Variants in LRRC4C observed in about 807,000 individuals in gnomAD.
LRRC4C encodes leucine rich repeat containing 4C.
In LRRC4C, 5 loss-of-function variants were observed where a neutral mutation model predicts 33.6. That is an observed-to-expected ratio of 0.15 (90% CI 0.08 to 0.31). LRRC4C has a LOEUF of 0.31. LRRC4C is among the 10% of genes least tolerant of loss of function. LRRC4C has a pLI of 1.00. For synonymous variants in LRRC4C, 329 were observed against 302.0 expected, an observed-to-expected ratio of 1.09 and a Z score of -0.93; for missense variants, 560 against 796.7, an observed-to-expected ratio of 0.70 and a Z score of 3.58.
At chr11:41,110,839 A>G (rs1012293302) in intron 1 of LRRC4C, among the ~76,000 whole-genome samples, 1 of 152,034 alleles carries the variant, frequency 6.6e-6, no homozygotes, top group Non-Finnish European at 1.5e-5. Flanking sequence ...CAGCATTTTT[A>G]AAGTATTTAT....
intron 3 of LRRC4C, among the ~76,000 whole-genome samples, chr11:40,547,337 A>T (rs1363810422): frequency 6.6e-6 from 1 of 152,078 alleles, no homozygotes; most frequent in East Asian, 1.9e-4. Context: ...ACTAGAAGTG[A>T]TCTTGAAGCC....
At chr11:41,264,071 T>C (rs1949068772) in intron 1 of LRRC4C, among the ~76,000 whole-genome samples, 1 of 148,604 alleles carries the variant, frequency 6.7e-6, no homozygotes, top group African/African-American at 2.5e-5. Flanking sequence ...AGTTTTCAGA[T>C]ACATACAAAT....
intron 1 of LRRC4C, among the ~76,000 whole-genome samples, chr11:41,255,619 G>A (rs16935484): frequency 0.045 from 6,902 of 151,968 alleles, 200 homozygotes; most frequent in South Asian, 0.074. Context: ...AGGTGAAATT[G>A]TAAAAGAGAA....
At chr11:41,031,015 G>A (rs1188686485) in intron 1 of LRRC4C, among the ~76,000 whole-genome samples, 2 of 151,860 alleles carry the variant, frequency 1.3e-5, no homozygotes, top group Admixed American at 6.6e-5. Context: ...TGAAGAAAAC[G>A]TAAGACACAT....
intron 1 of LRRC4C, among the ~76,000 whole-genome samples, chr11:40,983,219 T>C (rs1352886719): frequency 1.3e-5 from 2 of 152,174 alleles, no homozygotes; most frequent in African/African-American, 4.8e-5. Context: ...CAAATTTCTG[T>C]CCTTAGGTCT....
intron 1 of LRRC4C, among the ~76,000 whole-genome samples, chr11:41,185,592 T>G (rs1945658070): frequency 1.3e-5 from 2 of 152,148 alleles, no homozygotes; most frequent in African/African-American, 2.4e-5. Context: ...GAGGACAGTA[T>G]TTAGTGGAGA....
chr11:40,304,906 A>T (rs1944954195), intron 4 of LRRC4C, among the ~76,000 whole-genome samples: 1 of 152,144 alleles, frequency 6.6e-6, no homozygotes, highest in Non-Finnish European at 1.5e-5. Flanking sequence ...CTAGGATTAC[A>T]GGTGCGTGCC....
intron 2 of LRRC4C, among the ~76,000 whole-genome samples, chr11:40,704,486 T>A (rs1946042486): frequency 6.6e-6 from 1 of 152,160 alleles, no homozygotes; most frequent in Admixed American, 6.6e-5. Context: ...TGAAATCTCA[T>A]CTCCAACCAT....
intron 2 of LRRC4C, among the ~76,000 whole-genome samples, chr11:40,796,651 T>TTA (rs1371759925): frequency 7.5e-6 from 1 of 133,002 alleles, no homozygotes; most frequent in African/African-American, 3.4e-5. Context: ...TTTTTTTTTT[T>TTA]TTTTTTTTAT....
Position 40,923,153 on chromosome 11 carries a change from T to C in LRRC4C, c.-407+10482A>G, listed in dbSNP as rs544209076. Among the ~76,000 whole-genome samples the C allele has an allele frequency of 1.1e-4, 17 of 152,270 alleles. No homozygotes were observed. The East Asian group carries it at 3.3e-3, about 29-fold the overall frequency. ...ATACATCTTTCTGACCATCACTAAT[T>C]AGAAAACATTGTTACATTTCATTTA... On this transcript the variant is annotated intron_variant, in intron 2 of 6. Coordinates refer to ENST00000528697, the MANE Select transcript of LRRC4C (RefSeq NM_001258419.2).
intron 3 of LRRC4C, among the ~76,000 whole-genome samples, chr11:40,341,392 ATG>A (rs1339258047): frequency 6.6e-6 from 1 of 152,166 alleles, no homozygotes. Flanking sequence ...ATACGTGTGC[ATG>A]TGTCTTTATA....
At chr11:40,152,654 CTG>C (rs1311018237) in intron 5 of LRRC4C, among the ~76,000 whole-genome samples, 1 of 152,094 alleles carries the variant, frequency 6.6e-6, no homozygotes, top group East Asian at 1.9e-4. Flanking sequence ...TGGGTGAGGC[CTG>C]TGATTGCCAG....
intron 1 of LRRC4C, among the ~76,000 whole-genome samples, chr11:41,020,613 G>A (rs1318263030): frequency 6.6e-6 from 1 of 152,102 alleles, no homozygotes; most frequent in Non-Finnish European, 1.5e-5. Flanking sequence ...CCAAAGCTAG[G>A]AGCAAGGGCA....
chr11:40,863,115 C>T (rs928031640), intron 2 of LRRC4C, among the ~76,000 whole-genome samples: 1 of 152,188 alleles, frequency 6.6e-6, no homozygotes, highest in African/African-American at 2.4e-5. Context: ...GCACAAAAGA[C>T]TGAGCAGAGC....
intron 2 of LRRC4C, among the ~76,000 whole-genome samples, chr11:40,813,354 G>A (rs537489639): frequency 6.6e-6 from 1 of 152,254 alleles, no homozygotes; most frequent in South Asian, 2.1e-4. Context: ...GTCTTACATG[G>A]CAGCAGGGCA....
chr11:40,687,161 T>C (rs1388701279), intron 2 of LRRC4C, among the ~76,000 whole-genome samples: 3 of 152,176 alleles, frequency 2.0e-5, no homozygotes, highest in Middle Eastern at 3.4e-3. Context: ...AGTGCAACAG[T>C]TTGAGAACCT....
intron 6 of LRRC4C, among the ~76,000 whole-genome samples, chr11:40,138,088 G>A (rs1313700815): frequency 6.6e-6 from 1 of 151,954 alleles, no homozygotes; most frequent in South Asian, 2.1e-4. Context: ...AATTAGTACT[G>A]TCCAAATCCA....
chr11:40,957,678 A>C (rs538398717), intron 1 of LRRC4C, among the ~76,000 whole-genome samples: 6 of 151,882 alleles, frequency 4.0e-5, no homozygotes, highest in Non-Finnish European at 7.4e-5. Context: ...GCTGAAGTCT[A>C]GGCTTATATC....
At chr11:40,323,252 A>G (rs1228823165) in intron 3 of LRRC4C, among the ~76,000 whole-genome samples, 2 of 152,228 alleles carry the variant, frequency 1.3e-5, no homozygotes, top group South Asian at 4.1e-4. Context: ...TAATAAGTTA[A>G]TGTGAAGGAA....
Sources: gnomAD v4.1 joint callset for allele counts (sites outside exome capture counted in the v4.1 genomes callset) on GRCh38, gnomAD v4.1.1 for gene constraint, MANE v1.5 for transcripts, NCBI Gene and HGNC (gene_info 2026-07-23, HGNC 2026-07-21) for gene names.